The following ZPLD1 variants were observed in gnomAD, a reference collection of about 807,000 sequenced individuals.
ZPLD1 encodes zona pellucida like domain containing 1.
In ZPLD1, 34 loss-of-function variants were observed where a neutral mutation model predicts 47.2. The ratio of observed to expected loss-of-function variants is 0.72; its 90% CI spans 0.55 to 0.96. The LOEUF is 0.96. Among genes scored for constraint, ZPLD1 ranks in the 40% least tolerant of loss-of-function variants. The pLI, the probability that ZPLD1 is intolerant of heterozygous loss-of-function variation, is 0.00. For synonymous variants in ZPLD1, 176 were observed against 186.2 expected (o/e 0.95, Z 0.45); for missense variants, 512 against 505.8 (o/e 1.01, Z -0.12).
intron 8 of ZPLD1, among the ~76,000 whole-genome samples, chr3:102,429,068 G>A (rs1706984908): frequency 6.6e-6 from 1 of 152,038 alleles, no homozygotes; most frequent in South Asian, 2.1e-4. Flanking sequence ...TTTTGGCTGG[G>A]ACTATGGCTA....
At chr3:102,449,071 G>A (rs1462876505) in intron 3 of ZPLD1, among the ~76,000 whole-genome samples, 1 of 152,158 alleles carries the variant, frequency 6.6e-6, no homozygotes, top group Non-Finnish European at 1.5e-5. Context: ...CTCATTGCCT[G>A]CTATTTCCTC....
chr3:102,424,784 C>A (rs1484789805), intron 8 of ZPLD1, among the ~76,000 whole-genome samples: 1 of 152,208 alleles, frequency 6.6e-6, no homozygotes, highest in African/African-American at 2.4e-5. Flanking sequence ...ATGTTCCCTT[C>A]CATTCCAATA....
intron 10 of ZPLD1, among the ~76,000 whole-genome samples, chr3:102,473,551 C>A (rs1707715551): frequency 6.6e-6 from 1 of 152,094 alleles, no homozygotes; most frequent in African/African-American, 2.4e-5. Context: ...CTTTCAGGGT[C>A]CCCTTGAATC....
In ZPLD1 at chr3:102,468,426, C is replaced by T. The variant is rs575327831; in HGVS notation, c.762-538C>T. Among the ~76,000 whole-genome samples, 11 of 152,176 alleles carry T rather than the reference C, an allele frequency of 7.2e-5. No individual in the cohort carries two copies. In the South Asian group the frequency reaches 1.2e-3, roughly 17 times the overall value. On this transcript the variant is annotated intron_variant, in intron 8 of 11. Transcript: ENST00000466937. ...TGATTAAATAAACTCTGAAACATGTCCATGATGAAATACTATACAGCTGTG... is the reference window on the plus strand; with the variant it reads ...TGATTAAATAAACTCTGAAACATGTTCATGATGAAATACTATACAGCTGTG...
At chr3:102,401,937 C>T (rs1338935032) in intron 7 of ZPLD1, among the ~76,000 whole-genome samples, 1 of 152,010 alleles carries the variant, frequency 6.6e-6, no homozygotes, top group African/African-American at 2.4e-5. Context: ...TCTTTTAAAA[C>T]CAGTTTTCAC....
intron 10 of ZPLD1, among the ~76,000 whole-genome samples, chr3:102,473,854 A>G (rs1001375890): frequency 6.6e-6 from 1 of 152,138 alleles, no homozygotes; most frequent in Non-Finnish European, 1.5e-5. Context: ...TTTTTACCTT[A>G]GGTCAGCTAG....
At chr3:102,450,869 G>A (rs2107333499) in intron 3 of ZPLD1, among the ~76,000 whole-genome samples, 1 of 152,234 alleles carries the variant, frequency 6.6e-6, no homozygotes, top group Non-Finnish European at 1.5e-5. Context: ...TTAGAAAAAA[G>A]TATCATTTAG....
At chr3:102,457,747 C>T in intron 5 of ZPLD1, 34 bp from the exon 6 acceptor site, 2 of 1,599,508 alleles carry the variant, frequency 1.3e-6, no homozygotes, top group African/African-American at 1.3e-5. Context: ...TCTAAAATCT[C>T]ATCAGTGCTT....
intron 6 of ZPLD1, among the ~76,000 whole-genome samples, chr3:102,459,038 C>T (rs1318350188): frequency 7.4e-6 from 1 of 134,360 alleles, no homozygotes; most frequent in African/African-American, 3.0e-5. Flanking sequence ...TGCAGGGAGC[C>T]GAGATAGCAC....
chr3:102,439,869 A>G (rs903894731), intron 3 of ZPLD1, among the ~76,000 whole-genome samples: 1 of 152,202 alleles, frequency 6.6e-6, no homozygotes, highest in African/African-American at 2.4e-5. Flanking sequence ...AAATCTTCAC[A>G]TAGAGTATTT....
At chr3:102,449,640 T>C (rs1707307219) in intron 3 of ZPLD1, among the ~76,000 whole-genome samples, 1 of 152,222 alleles carries the variant, frequency 6.6e-6, no homozygotes. Flanking sequence ...TGTCTCAGCA[T>C]TGCATTGCTG....
At chr3:102,476,230 TAACA>T (rs1413893007) in intron 10 of ZPLD1, among the ~76,000 whole-genome samples, 1 of 152,118 alleles carries the variant, frequency 6.6e-6, no homozygotes, top group African/African-American at 2.4e-5. Context: ...ATGGTTCAAA[TAACA>T]AACACAAATA....
chr3:102,435,396 A>T (rs115814544), intron 1 of ZPLD1, among the ~76,000 whole-genome samples: 6 of 152,172 alleles, frequency 3.9e-5, no homozygotes, highest in African/African-American at 1.4e-4. Flanking sequence ...GATTCAACCA[A>T]TTAGGGATGT....
chr3:102,418,267 A>G (rs1025728400), intron 8 of ZPLD1: 4 of 152,372 alleles, frequency 2.6e-5, no homozygotes, highest in African/African-American at 9.7e-5. Flanking sequence ...TTTACTAAGC[A>G]TGGAAGACTC....
At chr3:102,445,562 G>A (rs955985096) in intron 3 of ZPLD1, among the ~76,000 whole-genome samples, 3 of 152,192 alleles carry the variant, frequency 2.0e-5, no homozygotes, top group Non-Finnish European at 4.4e-5. Flanking sequence ...ATCACCTGGA[G>A]GCTTGTAAGA....
At chr3:102,449,111 A>G (rs1222047782) in intron 3 of ZPLD1, among the ~76,000 whole-genome samples, 2 of 152,202 alleles carry the variant, frequency 1.3e-5, no homozygotes, top group African/African-American at 2.4e-5. Context: ...ATGGATGGGA[A>G]CTACCTGGCT....
chr3:102,419,235 T>G (rs1472410081), intron 8 of ZPLD1, among the ~76,000 whole-genome samples: 2 of 152,020 alleles, frequency 1.3e-5, no homozygotes, highest in African/African-American at 2.4e-5. Context: ...ATTTCATTTT[T>G]CAGTCACTAG....
intron 7 of ZPLD1, among the ~76,000 whole-genome samples, chr3:102,406,890 T>C (rs1706693475): frequency 6.6e-6 from 1 of 151,852 alleles, no homozygotes; most frequent in Admixed American, 6.6e-5. Flanking sequence ...TACAATGAGG[T>C]GGTCAGCTTG....
chr3:102,459,749 A>G (rs1400470047), intron 6 of ZPLD1, among the ~76,000 whole-genome samples: 3 of 152,136 alleles, frequency 2.0e-5, no homozygotes, highest in Non-Finnish European at 2.9e-5. Context: ...GAGTTCCCAC[A>G]TATACCCCCT....
Sources: gnomAD v4.1 joint callset for allele counts (sites outside exome capture counted in the v4.1 genomes callset) on GRCh38, gnomAD v4.1.1 for gene constraint, MANE v1.5 for transcripts, NCBI Gene and HGNC (gene_info 2026-07-23, HGNC 2026-07-21) for gene names.